PDXK: variants seen among roughly 807,000 people sequenced by gnomAD.
PDXK encodes the protein pyridoxal kinase.
In PDXK, 15 loss-of-function variants were observed where a neutral mutation model predicts 43.2. The ratio of observed to expected loss-of-function variants is 0.35; its 90% confidence interval spans 0.23 to 0.53. PDXK has a LOEUF of 0.53. Among genes scored for constraint, PDXK ranks in the 20% least tolerant of loss-of-function variants. The pLI is 0.92. For missense variants in PDXK, 343 were observed against 417.0 expected, an observed-to-expected ratio of 0.82 and a Z score of 1.54; for synonymous variants, 172 against 165.4, an observed-to-expected ratio of 1.04 and a Z score of -0.31.
At position 43,757,994 on chromosome 21, in the gene PDXK, T is replaced by TC. The variant is rs1483580301; in HGVS notation, c.*1931_*1932insC. ...GGAAAGCTTTTCTTTTTCTTTTTTTTTTTTTTTTAAACACCAAGAGCACGT... is the reference window on the plus strand; with the variant it reads ...GGAAAGCTTTTCTTTTTCTTTTTTTTCTTTTTTTTAAACACCAAGAGCACGT... On this transcript the variant is annotated 3_prime_UTR_variant, in exon 11 of 11. Coordinates refer to ENST00000291565, the MANE Select transcript of PDXK (RefSeq NM_003681.5). 6.6e-6 allele frequency: 1 copy of TC among 152,632 alleles called. No homozygotes were observed. The highest frequency in any genetic ancestry group is 2.4e-5 in the African/African-American group (1 of 41,376). 9.5% of individuals were successfully genotyped at this position (152,632 alleles called of 1,614,324 possible).
At chr21:43,747,683 C>T (rs1457029660) in intron 5 of PDXK, among the ~76,000 whole-genome samples, 1 of 152,210 alleles carries the variant, frequency 6.6e-6, no homozygotes, top group Non-Finnish European at 1.5e-5. Context: ...CAGACACTTG[C>T]GTTTGGATCA....
At chr21:43,726,764 C>A (rs369089803) in intron 1 of PDXK, among the ~76,000 whole-genome samples, 6 of 152,046 alleles carry the variant, frequency 3.9e-5, no homozygotes, top group African/African-American at 1.4e-4. Flanking sequence ...TAGCCCACAT[C>A]GGTGCATGTG....
chr21:43,741,465 G>C, intron 2 of PDXK: 1 of 1,089,016 alleles, frequency 9.2e-7, no homozygotes. Flanking sequence ...GGGGGCTCGC[G>C]GGGGGCTCGA....
chr21:43,744,225 T>G (rs1414709641), intron 4 of PDXK, among the ~76,000 whole-genome samples: 204 of 107,178 alleles, frequency 1.9e-3, no homozygotes, highest in African/African-American at 2.2e-3. Context: ...GGCTAGGGAG[T>G]GGGGGGAGGG....
Position 43,750,962 on chromosome 21 carries a change from A to ATGTGTG in PDXK, c.510+430_510+435dup, listed in dbSNP as rs3042278. On this transcript the variant is annotated intron_variant, in intron 7 of 10. Transcript: ENST00000291565. ...TGCACGTGTTTGCACATGTGTGTGC[A>ATGTGTG]TGTGTGTGTGTGTGTGTGCACATGT... Among the ~76,000 whole-genome samples, 1,143 of 150,730 alleles carry ATGTGTG rather than the reference A, an allele frequency of 7.6e-3. 5 individuals carry two copies. Among genetic ancestry groups the ATGTGTG allele is most frequent in the Middle Eastern group, 0.02 (6 of 294 alleles).
chr21:43,726,270 C>CTTTTTTTTT (rs1182376121), intron 1 of PDXK, among the ~76,000 whole-genome samples: 7 of 116,810 alleles, frequency 6.0e-5, no homozygotes, highest in African/African-American at 1.1e-4. Context: ...TTTTCTTTTT[C>CTTTTTTTTT]TTTTTTTTTT....
At chr21:43,745,916 G>A (rs879715487) in intron 4 of PDXK, 163 bp from the exon 5 acceptor site, 7 of 657,132 alleles carry the variant, frequency 1.1e-5, no homozygotes, top group East Asian at 5.6e-5. Context: ...AGGATCGCCC[G>A]AGCCTGGAAG....
intron 2 of PDXK, 83 bp from the exon 3 acceptor site, chr21:43,741,584 G>A: frequency 1.3e-6 from 2 of 1,573,978 alleles, no homozygotes; most frequent in Non-Finnish European, 1.7e-6. Flanking sequence ...CAGCCTCAGG[G>A]AGAGTGGGCG....
rs899998748 is a variant in PDXK, at chr21:43,737,795, G to T, written c.142+3672G>T. ...GGCTGGGATCTGACAGGAGTGCCAG[G>T]CTCCTTGGGCCGCCCGAGGAACCGC... On this transcript the variant is annotated intron_variant, in intron 2 of 10. Coordinates refer to ENST00000291565, the MANE Select transcript of PDXK (RefSeq NM_003681.5). This position sits in a 1 kb window ranked among gnomAD's most constrained non-coding sequence, Gnocchi z 4.8. The T allele has an allele frequency of 6.2e-5, 61 of 985,384 alleles. No individual in the cohort carries two copies. Among genetic ancestry groups the T allele is most frequent in the Non-Finnish European group, 7.1e-5 (59 of 829,964 alleles). The allele number at this position is 985,384 out of a possible 1,614,324, so 61.0% of individuals were successfully genotyped here. A position where few individuals can be genotyped will look rare whatever the true frequency, so the allele number is the denominator to read the frequency against.
At position 43,737,694 on chromosome 21, in the gene PDXK, A is replaced by G; in HGVS notation, c.142+3571A>G. 1.4e-6 allele frequency: 1 copy of G among 729,224 alleles called. No homozygotes were observed. The highest frequency in any genetic ancestry group is 1.7e-6 in the Non-Finnish European group (1 of 599,588). The allele number at this position is 729,224 out of a possible 1,614,324, so 45.2% of individuals were successfully genotyped here. ...GGCCAGGAGCCTGCCGACGGACACC[A>G]GCGAGGGGCCAGGCCGGGCCAGGAG... On this transcript the variant is annotated intron_variant, in intron 2 of 10. Transcript: ENST00000291565. The surrounding 1 kb of genome is among the most constrained non-coding windows in gnomAD (Gnocchi z 4.8).
intron 1 of PDXK, among the ~76,000 whole-genome samples, chr21:43,726,765 G>C (rs533111761): frequency 2.0e-5 from 3 of 152,074 alleles, no homozygotes; most frequent in Non-Finnish European, 4.4e-5. Flanking sequence ...AGCCCACATC[G>C]GTGCATGTGT....
intron 8 of PDXK, 89 bp downstream of exon 8, chr21:43,752,718 A>G: frequency 1.3e-6 from 1 of 796,114 alleles, no homozygotes; most frequent in African/African-American, 1.7e-5. Flanking sequence ...TGGGTTCAAT[A>G]GCATGAAATT....
intron 3 of PDXK, among the ~76,000 whole-genome samples, chr21:43,743,000 C>G (rs528384983): frequency 6.6e-6 from 1 of 152,262 alleles, no homozygotes; most frequent in South Asian, 2.1e-4. Flanking sequence ...AGAAATGCTG[C>G]CGGGTCTGCC....
intron 8 of PDXK, among the ~76,000 whole-genome samples, chr21:43,753,061 C>T (rs1038144162): frequency 1.2e-4 from 19 of 152,296 alleles, no homozygotes; most frequent in South Asian, 6.2e-4. Context: ...ACCTCCTTGC[C>T]GCTCTATGTT....
chr21:43,739,881 C>T (rs1296476746), intron 2 of PDXK, among the ~76,000 whole-genome samples: 1 of 151,784 alleles, frequency 6.6e-6, no homozygotes, highest in East Asian at 1.9e-4. Context: ...TGCTCACCTC[C>T]CTCCTCCTAC....
In PDXK at chr21:43,732,053, A is replaced by AGCATAGCACTGCCCCTGTG. The variant is rs1417010250; in HGVS notation, c.88-2015_88-2014insCATAGCACTGCCCCTGTGG. 2.7e-5 allele frequency: 20 copies of AGCATAGCACTGCCCCTGTG among 744,206 alleles called. No individual in the cohort carries two copies. Among genetic ancestry groups the AGCATAGCACTGCCCCTGTG allele is most frequent in the Non-Finnish European group, 3.2e-5 (18 of 571,372 alleles). 46.1% of individuals were successfully genotyped at this position (744,206 alleles called of 1,614,324 possible). On this transcript the variant is annotated intron_variant, in intron 1 of 10. Transcript: ENST00000291565. This position sits in a 1 kb window ranked among gnomAD's most constrained non-coding sequence, Gnocchi z 4.1. The stretch of plus-strand genomic sequence containing the variant: ...AGTGGATTCCGCTGCTGCTATGGGA[A>AGCATAGCACTGCCCCTGTG]GGGACGGTCACTACCGCTGCCCCTG...
chr21:43,728,942 C>T (rs2083282268), intron 1 of PDXK: 5 of 985,358 alleles, frequency 5.1e-6, no homozygotes, highest in South Asian at 4.7e-5. Context: ...TTATTTTGAC[C>T]CCCCAGGGCA....
At chr21:43,750,629 T>C in intron 7 of PDXK, 84 bp downstream of exon 7, 2 of 1,069,750 alleles carry the variant, frequency 1.9e-6, no homozygotes, top group Admixed American at 4.0e-5. Context: ...GTGGCACCAC[T>C]GTGTCATTTC....
In PDXK at chr21:43,742,342, G is replaced by GC. The variant is rs2083551228; in HGVS notation, c.247+572dup. ...GTAAAGGCGTGCACCACCATGCCCA[G>GC]CTAACTTTTTGTGGGTGTGTGTGGA... On this transcript the variant is annotated intron_variant, in intron 3 of 10. Transcript: ENST00000291565. Among the ~76,000 whole-genome samples the GC allele has an allele frequency of 3.3e-5, 5 of 152,238 alleles. No individual in the cohort carries two copies. In the South Asian group the frequency reaches 1.0e-3, roughly 32 times the overall value.
Sources: gnomAD v4.1 joint callset for allele counts (sites outside exome capture counted in the v4.1 genomes callset) on GRCh38, gnomAD v4.1.1 for gene constraint, Gnocchi (gnomAD v3.1) non-coding constraint, MANE v1.5 for transcripts, NCBI Gene and HGNC (gene_info 2026-07-23, HGNC 2026-07-21) for gene names.